Variants in JMJD1C observed in about 807,000 individuals in gnomAD.
JMJD1C encodes the protein jumonji domain-containing protein 1C.
JMJD1C carries 31 observed loss-of-function variants against 245.3 expected under a neutral mutation model. That is an observed-to-expected ratio of 0.13 (90% CI 0.09 to 0.17). JMJD1C has a LOEUF of 0.17. JMJD1C is among the 10% of genes least tolerant of loss of function. JMJD1C has a pLI of 1.00. For synonymous variants in JMJD1C, 1,057 were observed against 1,017.4 expected (o/e 1.04, Z -0.74); for missense variants, 2,691 against 3,000.2 (o/e 0.90, Z 2.41).
At chr10:63,170,399 C>G (rs369844358) in intron 24 of JMJD1C, among the ~76,000 whole-genome samples, 1 of 152,170 alleles carries the variant, frequency 6.6e-6, no homozygotes, top group South Asian at 2.1e-4. Flanking sequence ...TCAGGGTTTG[C>G]TGTTGTTGAT....
chr10:63,405,499 T>A (rs1949115603), intron 1 of JMJD1C, among the ~76,000 whole-genome samples: 5 of 152,024 alleles, frequency 3.3e-5, no homozygotes, highest in Admixed American at 3.3e-4. Flanking sequence ...TTTTTTGTAT[T>A]TTTAATACAG....
At chr10:63,323,345 G>A (rs1285535413) in intron 2 of JMJD1C, among the ~76,000 whole-genome samples, 1 of 152,106 alleles carries the variant, frequency 6.6e-6, no homozygotes, top group Non-Finnish European at 1.5e-5. Context: ...CCAACATGGT[G>A]AAATCCCACC....
rs549124042 is a variant in JMJD1C, at chr10:63,318,742, G to A, written c.334-53978C>T. The stretch of plus-strand genomic sequence containing the variant: ...ACTGACCTAGACTTTTAGGTTCAGG[G>A]TTAATATGGACATATTTTCTCTATA... On this transcript the variant is annotated intron_variant, in intron 2 of 25. Coordinates refer to ENST00000399262, the MANE Select transcript of JMJD1C (RefSeq NM_032776.3). Among the ~76,000 whole-genome samples, 6 of 152,102 alleles carry A rather than the reference G, an allele frequency of 3.9e-5. No homozygotes were observed. The South Asian group carries it at 6.2e-4, about 16-fold the overall frequency.
intron 1 of JMJD1C, among the ~76,000 whole-genome samples, chr10:63,428,209 ACAT>A (rs1213236097): frequency 6.6e-6 from 1 of 152,222 alleles, no homozygotes; most frequent in African/African-American, 2.4e-5. Context: ...TAAAGAAACT[ACAT>A]CAATCACTTT....
intron 1 of JMJD1C, among the ~76,000 whole-genome samples, chr10:63,423,993 C>T (rs1330545474): frequency 6.6e-6 from 1 of 152,076 alleles, no homozygotes; most frequent in Non-Finnish European, 1.5e-5. Context: ...GGTTGTTTTC[C>T]TGTTGTTCAA....
intron 1 of JMJD1C, among the ~76,000 whole-genome samples, chr10:63,431,731 C>A (rs191242008): frequency 4.6e-5 from 7 of 152,086 alleles, no homozygotes; most frequent in Admixed American, 2.6e-4. Flanking sequence ...TACTCACTTG[C>A]GGCCGGGCGC....
Position 63,183,553 on chromosome 10 carries a change from T to G in JMJD1C, c.6978A>C (p.Lys2326Asn). The change falls in exon 22 of 26, where the codon AAA becomes AAC. Residue 2326 changes from lysine (K) to asparagine (N), a missense_variant. Transcript: ENST00000399262. ...LCSAYGVVAA[K>N]DHDIGTTNLH... ...GATTTGTTGTTCCTATATCATGATC[T>G]TTAGCAGCAACTACACCTGTATATA... The G allele has an allele frequency of 6.3e-7, 1 of 1,592,496 alleles. No individual in the cohort carries two copies. The highest frequency in any genetic ancestry group is 8.6e-7 in the Non-Finnish European group (1 of 1,167,384).
rs1842621715 is a variant in JMJD1C, at chr10:63,173,809, T to C, written c.7401+2488A>G. Among the ~76,000 whole-genome samples, 3 of 145,752 alleles carry C rather than the reference T, an allele frequency of 2.1e-5. No homozygotes were observed. In the South Asian group the frequency reaches 7.0e-4, roughly 34 times the overall value. On this transcript the variant is annotated intron_variant, in intron 24 of 25. Transcript: ENST00000399262. ...TGTATTTGTAAAACACATTATCAGA[T>C]AAAAGACATTATCAGAAATTGGCAA...
intron 1 of JMJD1C, among the ~76,000 whole-genome samples, chr10:63,432,089 A>C (rs760634781): frequency 2.6e-4 from 39 of 152,170 alleles, no homozygotes; most frequent in Non-Finnish European, 3.7e-4. Context: ...TTCCAGAAAG[A>C]AGCTCAGCCC....
At chr10:63,239,492 T>C (rs1054768518) in intron 3 of JMJD1C, among the ~76,000 whole-genome samples, 3 of 152,182 alleles carry the variant, frequency 2.0e-5, no homozygotes, top group Non-Finnish European at 4.4e-5. Flanking sequence ...TCACCCAGGC[T>C]GGAGTGCTGT....
At chr10:63,486,155 A>C (rs1224040116) in intron 1 of JMJD1C, among the ~76,000 whole-genome samples, 929 of 48,206 alleles carry the variant, frequency 0.019, 10 homozygotes, top group Non-Finnish European at 0.04. Flanking sequence ...AAAAAAAAAA[A>C]AAAAAAAAAA....
At chr10:63,203,286 A>G in intron 10 of JMJD1C, 2 of 980,462 alleles carry the variant, frequency 2.0e-6, no homozygotes, top group East Asian at 1.1e-4. Context: ...GGCAATATAT[A>G]AAACCTAGAA....
chr10:63,358,709 G>A (rs1348711546), intron 2 of JMJD1C: 1 of 152,136 alleles, frequency 6.6e-6, no homozygotes, highest in Non-Finnish European at 1.5e-5. Flanking sequence ...TAGAAGAGTG[G>A]GGTGGGGTCC....
chr10:63,224,984 C>T (rs560052495), intron 3 of JMJD1C, among the ~76,000 whole-genome samples: 4 of 151,954 alleles, frequency 2.6e-5, no homozygotes, highest in African/African-American at 9.6e-5. Context: ...ATCGCTTGAA[C>T]CCAGGAGGCA....
intron 2 of JMJD1C, among the ~76,000 whole-genome samples, chr10:63,333,533 A>T (rs1390334527): frequency 6.9e-6 from 1 of 144,642 alleles, no homozygotes; most frequent in Non-Finnish European, 1.5e-5. Context: ...ACCCTATCTC[A>T]AAAAAAAGAA....
At chr10:63,405,015 A>T (rs994760197) in intron 1 of JMJD1C, among the ~76,000 whole-genome samples, 1 of 152,220 alleles carries the variant, frequency 6.6e-6, no homozygotes, top group Non-Finnish European at 1.5e-5. Context: ...GCTCCCAAGG[A>T]TAACTACAAT....
At position 63,293,918 on chromosome 10, in the gene JMJD1C, CA is replaced by C. The variant is rs137929499; in HGVS notation, c.334-29155del. The stretch of plus-strand genomic sequence containing the variant: ...TATGGCTCTAAGTATTATCTATATG[CA>C]GTAAACTGTCACATCTAGGTCCTTT... On this transcript the variant is annotated intron_variant, in intron 2 of 25. Transcript: ENST00000399262. Among the ~76,000 whole-genome samples, 1,099 of 152,200 alleles carry C rather than the reference CA, an allele frequency of 7.2e-3. 18 individuals are homozygous for C. Among genetic ancestry groups the C allele is most frequent in the African/African-American group, 0.025 (1,042 of 41,524 alleles).
intron 3 of JMJD1C, chr10:63,222,550 T>G (rs936738270): frequency 6.4e-7 from 1 of 1,553,906 alleles, no homozygotes; most frequent in Non-Finnish European, 8.8e-7. Flanking sequence ...TCAAATACTG[T>G]GAAAAACAGT....
intron 2 of JMJD1C, among the ~76,000 whole-genome samples, chr10:63,309,916 CAA>C (rs543353248): frequency 0.027 from 3,974 of 146,024 alleles, 70 homozygotes; most frequent in Non-Finnish European, 0.045. Flanking sequence ...GATTTCGTCT[CAA>C]AAAAAAAAGA....
Sources: gnomAD v4.1 joint callset for allele counts (sites outside exome capture counted in the v4.1 genomes callset) on GRCh38, gnomAD v4.1.1 for gene constraint, MANE v1.5 for transcripts, NCBI Gene and HGNC (gene_info 2026-07-23, HGNC 2026-07-21) for gene names.